The following TET2 variants were observed in gnomAD, a reference collection of about 807,000 sequenced individuals.
The protein encoded by TET2 is tet methylcytosine dioxygenase 2.
Under a neutral mutation model 142.9 loss-of-function variants are expected in TET2, and 299 were observed. The observed-to-expected ratio is 2.09, with a 90% CI of 1.90 to 2.30. The LOEUF (loss-of-function observed/expected upper bound fraction) is 2.30. Among genes scored for constraint, TET2 ranks in the 30% most tolerant of loss-of-function variants. The probability of loss-of-function intolerance (pLI) is 0.00; values close to 1 mark genes in which losing one functional copy is unlikely to be tolerated. For missense variants in TET2, 2,418 were observed against 2,378.0 expected (o/e 1.02, Z -0.35); for synonymous variants, 819 against 849.0 (o/e 0.96, Z 0.61).
chr4:105,221,099 AAATATTTGTG>A lies in TET2; in HGVS notation c.-46-12796_-46-12787del, dbSNP rs1262366013. ...ATTTTTAAAATAATTTATGAGAAACAAATATTTGTGACACAGTACATTTCTAATTATGTTT... is the reference window on the plus strand; with the variant it reads ...ATTTTTAAAATAATTTATGAGAAACAACACAGTACATTTCTAATTATGTTT... On this transcript the variant is annotated intron_variant, in intron 2 of 10. Transcript: ENST00000380013. 5.3e-5 allele frequency among the ~76,000 whole-genome samples: 8 copies of A among 152,264 alleles called. No homozygotes were observed. In the East Asian group the frequency reaches 1.5e-3, roughly 29 times the overall value.
At chr4:105,203,965 C>G (rs942642014) in intron 2 of TET2, among the ~76,000 whole-genome samples, 2 of 151,964 alleles carry the variant, frequency 1.3e-5, no homozygotes, top group African/African-American at 4.8e-5. Context: ...CTTTGGGAGG[C>G]CAAGGCGGGT....
At chr4:105,252,218 G>T (rs1420723596) in intron 6 of TET2, among the ~76,000 whole-genome samples, 5 of 152,104 alleles carry the variant, frequency 3.3e-5, no homozygotes, top group Non-Finnish European at 5.9e-5. Context: ...AGCAACCAAT[G>T]ATCTTTTTAT....
At chr4:105,189,720 ATCTTATTAGGTGGTC>A (rs1560737851) in intron 1 of TET2, among the ~76,000 whole-genome samples, 1 of 152,226 alleles carries the variant, frequency 6.6e-6, no homozygotes, top group African/African-American at 2.4e-5. Flanking sequence ...TAAAGTAGGT[ATCTTATTAGGTGGTC>A]CTTTTAAAGT....
intron 1 of TET2, among the ~76,000 whole-genome samples, chr4:105,156,922 G>A (rs1037963560): frequency 2.0e-5 from 3 of 152,078 alleles, no homozygotes; most frequent in African/African-American, 4.8e-5. Context: ...TTTGTTTGAA[G>A]TCTCTTGCTT....
At chr4:105,245,144 T>G (rs904601150) in intron 6 of TET2, among the ~76,000 whole-genome samples, 1 of 152,212 alleles carries the variant, frequency 6.6e-6, no homozygotes, top group African/African-American at 2.4e-5. Context: ...ACAAATCAAT[T>G]ATAAATAATC....
intron 6 of TET2, among the ~76,000 whole-genome samples, chr4:105,248,491 A>G (rs1729695588): frequency 6.6e-6 from 1 of 152,216 alleles, no homozygotes; most frequent in Non-Finnish European, 1.5e-5. Context: ...TGCCCTTTAT[A>G]TCATTTACCA....
chr4:105,274,862 T>C (rs934851526), intron 10 of TET2, among the ~76,000 whole-genome samples, 186 bp from the exon 11 acceptor site: 11 of 152,136 alleles, frequency 7.2e-5, no homozygotes. Context: ...GTATTTCTAA[T>C]GCCTTAGACA....
chr4:105,190,839 A>C (rs1218118966), intron 2 of TET2: 1 of 205,490 alleles, frequency 4.9e-6, no homozygotes. Context: ...TTGTTAGAGT[A>C]TTTATCGCCT....
At chr4:105,146,739 G>C (rs993690009), upstream of TET2, 4 of 151,984 alleles carry the variant, frequency 2.6e-5, no homozygotes, top group African/African-American at 9.7e-5. Flanking sequence ...CGCGAGCGCC[G>C]CGCGCCCGGG....
At chr4:105,248,648 T>C (rs1729703655) in intron 6 of TET2, among the ~76,000 whole-genome samples, 1 of 152,208 alleles carries the variant, frequency 6.6e-6, no homozygotes, top group African/African-American at 2.4e-5. Context: ...TTTTTTCTAA[T>C]TGAGATATAA....
intron 1 of TET2, among the ~76,000 whole-genome samples, chr4:105,163,854 A>AGAGAGTGTGTGT (rs1553942671): frequency 1.5e-3 from 126 of 85,196 alleles, no homozygotes; most frequent in Non-Finnish European, 2.6e-3. Flanking sequence ...AGAGAGAGAG[A>AGAGAGTGTGTGT]GTGTGTGTGT....
intron 8 of TET2, among the ~76,000 whole-genome samples, chr4:105,262,592 TC>T (rs1430691025): frequency 6.6e-6 from 1 of 152,056 alleles, no homozygotes; most frequent in Non-Finnish European, 1.5e-5. Context: ...CTTTAAGAAT[TC>T]CGTCTTTGCT....
At chr4:105,198,899 A>T (rs897902969) in intron 2 of TET2, among the ~76,000 whole-genome samples, 22 of 152,206 alleles carry the variant, frequency 1.4e-4, no homozygotes, top group Non-Finnish European at 3.2e-4. Flanking sequence ...AACCTCAGAG[A>T]TACTTAATTA....
In TET2 at chr4:105,276,572, C is replaced by T. The variant is rs1423121092; in HGVS notation, c.*53C>T. On this transcript the variant is annotated 3_prime_UTR_variant, in exon 11 of 11. Coordinates refer to ENST00000380013, the MANE Select transcript of TET2 (RefSeq NM_001127208.3). The stretch of plus-strand genomic sequence containing the variant: ...CTTGAAAAGACCACAACCAACCTGT[C>T]AGTAGTATAGTTCTCATGACGTGGG... The T allele has an allele frequency of 8.0e-6, 12 of 1,507,208 alleles. No individual in the cohort carries two copies. The highest frequency in any genetic ancestry group is 6.2e-6 in the Non-Finnish European group (7 of 1,122,864). The allele number at this position is 1,507,208 out of a possible 1,614,324, so 93.4% of individuals were successfully genotyped here.
At chr4:105,217,230 G>T (rs1727550444) in intron 2 of TET2, among the ~76,000 whole-genome samples, 1 of 151,966 alleles carries the variant, frequency 6.6e-6, no homozygotes, top group Non-Finnish European at 1.5e-5. Flanking sequence ...TTGTATTTGG[G>T]CAAAGTACAG....
intron 1 of TET2, among the ~76,000 whole-genome samples, chr4:105,151,153 C>G (rs1293584619): frequency 3.3e-5 from 5 of 151,970 alleles, no homozygotes; most frequent in Non-Finnish European, 5.9e-5. Flanking sequence ...GCCCCAGTCT[C>G]TACAAAAAAT....
rs1421952597 is a variant in TET2 at position 105,261,657 on chromosome 4, T to C, written c.3955-102T>C. ...AGTAATAAAGGCACCATATATTGTG[T>C]TTGGGATTCAAAATGTAAGGGGAAT... On this transcript the variant is annotated intron_variant, in intron 7 of 10. Transcript: ENST00000380013. The C allele has an allele frequency of 4.8e-6, 3 of 628,216 alleles. No individual in the cohort carries two copies. In the African/African-American group the frequency reaches 5.7e-5, roughly 12 times the overall value. 38.9% of individuals were successfully genotyped at this position (628,216 alleles called of 1,614,324 possible).
At chr4:105,272,472 A>G in intron 9 of TET2, 92 bp from the exon 10 acceptor site, 1 of 864,148 alleles carries the variant, frequency 1.2e-6, no homozygotes, top group East Asian at 2.7e-5. Flanking sequence ...ACCAACACAA[A>G]TCTGAATACT....
chr4:105,248,050 A>G (rs189224054), intron 6 of TET2, among the ~76,000 whole-genome samples: 111 of 152,290 alleles, frequency 7.3e-4, no homozygotes, highest in Non-Finnish European at 1.5e-3. Context: ...GTATGTGTGC[A>G]TGTATAGTAT....
Sources: allele counts gnomAD v4.1 joint callset (sites outside exome capture counted in the v4.1 genomes callset), GRCh38; gene constraint gnomAD v4.1.1; transcripts MANE v1.5; gene names NCBI Gene and HGNC (gene_info 2026-07-23, HGNC 2026-07-21).